Variants in HLCS observed in about 807,000 individuals in gnomAD.
HLCS encodes the protein holocarboxylase synthetase.
Under a neutral mutation model 75.0 loss-of-function variants are expected in HLCS, and 53 were observed. That is an observed-to-expected ratio of 0.71 (90% confidence interval 0.57 to 0.89). HLCS has a LOEUF of 0.89. HLCS is among the 40% of genes least tolerant of loss of function. The pLI is 0.00. For synonymous variants in HLCS, 431 were observed against 428.6 expected (o/e 1.01, Z -0.07); for missense variants, 966 against 1,074.0 (o/e 0.90, Z 1.41).
At chr21:36,896,208 G>C (rs1001186888) in intron 6 of HLCS, among the ~76,000 whole-genome samples, 4 of 152,146 alleles carry the variant, frequency 2.6e-5, no homozygotes, top group African/African-American at 7.2e-5. Context: ...AACTTAGCTG[G>C]GCATAGTGGC....
chr21:36,793,396 AGTT>A (rs796485981), intron 6 of HLCS, among the ~76,000 whole-genome samples: 17 of 146,612 alleles, frequency 1.2e-4, no homozygotes, highest in African/African-American at 3.3e-4. Context: ...CCTGGGCCCC[AGTT>A]CAAGCAATTC....
rs59341535 is a variant in HLCS at position 36,865,324 on chromosome 21, G to A, written c.1892+31536C>T. 7.1e-3 allele frequency among the ~76,000 whole-genome samples: 1,083 copies of A among 152,064 alleles called. 12 individuals are homozygous for A. Among genetic ancestry groups the A allele is most frequent in the African/African-American group, 0.025 (1,040 of 41,486 alleles). ...TGTAGACTCCTGGGTCTCCTACTCC[G>A]GTTAAACCTTGAAACAGAAGCTCTG... On this transcript the variant is annotated intron_variant, in intron 6 of 10. Transcript: ENST00000674895.
chr21:36,976,644 T>C (rs1016237412), intron 1 of HLCS, among the ~76,000 whole-genome samples: 5 of 152,162 alleles, frequency 3.3e-5, no homozygotes, highest in Non-Finnish European at 5.9e-5. Flanking sequence ...AAATCCATGG[T>C]TGTGTAAGAT....
chr21:36,975,603 T>C (rs55981408), intron 1 of HLCS, among the ~76,000 whole-genome samples: 32,251 of 151,928 alleles, frequency 0.21, 3,760 homozygotes, highest in East Asian at 0.34. Flanking sequence ...TGAGACCCCA[T>C]CTCTACAAAA....
At position 36,751,503 on chromosome 21, in the gene HLCS, T is replaced by C. The variant is rs1370406504; in HGVS notation, c.*2743A>G. ...CGACCATGCTGTATATGCTGTGCCT[T>C]GGGGGACCCCCAGAGGCTGCGCTCT... On this transcript the variant is annotated 3_prime_UTR_variant, in exon 11 of 11. Transcript: ENST00000674895. 2 of 152,318 alleles carry C rather than the reference T, an allele frequency of 1.3e-5. No homozygotes were observed. The highest frequency in any genetic ancestry group is 1.9e-4 in the East Asian group (1 of 5,200). 9.4% of individuals were successfully genotyped at this position (152,318 alleles called of 1,614,324 possible). A position where few individuals can be genotyped will look rare whatever the true frequency, so the allele number is the denominator to read the frequency against.
At chr21:36,844,369 A>C (rs1451886987) in intron 6 of HLCS, among the ~76,000 whole-genome samples, 2 of 152,168 alleles carry the variant, frequency 1.3e-5, no homozygotes, top group African/African-American at 4.8e-5. Context: ...GGCGAGACAG[A>C]AGGACAGGGA....
Position 36,936,927 on chromosome 21 carries a change from T to C in HLCS, c.959A>G (p.Gln320Arg). The C allele has an allele frequency of 6.2e-7, 1 of 1,614,172 alleles. No individual in the cohort carries two copies. Among genetic ancestry groups the C allele is most frequent in the Non-Finnish European group, 8.5e-7 (1 of 1,180,022 alleles). Residue 320 changes from glutamine (Q) to arginine (R), a missense_variant, in exon 4 of 11, where the codon CAG (glutamine) becomes CGG (arginine). Coordinates refer to ENST00000674895, the MANE Select transcript of HLCS (RefSeq NM_001352514.2). ...CTCGTGGAACCGGCCGAGGGCTTCCTGGGAGTCGGAGCCCACATAGAGGAG... is the reference window on the plus strand; with the variant it reads ...CTCGTGGAACCGGCCGAGGGCTTCCCGGGAGTCGGAGCCCACATAGAGGAG... ...NILLYVGSDSQEALGRFHEVR... is the reference protein window; with the variant it reads ...NILLYVGSDSREALGRFHEVR...
At chr21:36,981,377 T>TA (rs2069116726) in intron 1 of HLCS, among the ~76,000 whole-genome samples, 1 of 151,148 alleles carries the variant, frequency 6.6e-6, no homozygotes, top group African/African-American at 2.4e-5. Flanking sequence ...TCTATTAATC[T>TA]ATTAACTCTT....
At chr21:36,957,924 G>A (rs1437998778) in intron 2 of HLCS, among the ~76,000 whole-genome samples, 5 of 96,832 alleles carry the variant, frequency 5.2e-5, no homozygotes, top group Non-Finnish European at 1.0e-4. Flanking sequence ...GCAAGACTGC[G>A]TCTCGAAAAA....
At chr21:36,983,204 ATGTT>A (rs928909450) in intron 1 of HLCS, among the ~76,000 whole-genome samples, 1 of 150,964 alleles carries the variant, frequency 6.6e-6, no homozygotes, top group Non-Finnish European at 1.5e-5. Flanking sequence ...TTCTTTTTTA[ATGTT>A]TGTTTATTTA....
intron 6 of HLCS, among the ~76,000 whole-genome samples, chr21:36,892,341 G>C (rs186062852): frequency 5.3e-5 from 8 of 152,322 alleles, no homozygotes; most frequent in Non-Finnish European, 1.2e-4. Context: ...GGCAGAACGC[G>C]GGTTGCCAGA....
intron 6 of HLCS, among the ~76,000 whole-genome samples, chr21:36,771,841 T>C (rs2145796531): frequency 6.6e-6 from 1 of 151,986 alleles, no homozygotes; most frequent in South Asian, 2.1e-4. Context: ...CTATTAAAAA[T>C]ACAAAAAATT....
intron 7 of HLCS, among the ~76,000 whole-genome samples, chr21:36,766,537 T>C (rs1466438701): frequency 6.6e-6 from 1 of 152,204 alleles, no homozygotes; most frequent in Admixed American, 6.5e-5. Context: ...GATTTCTTAT[T>C]TCTTTGGTTC....
chr21:36,968,185 C>T (rs976186901), upstream of HLCS, among the ~76,000 whole-genome samples: 5 of 152,128 alleles, frequency 3.3e-5, no homozygotes, highest in East Asian at 1.9e-4. Context: ...GACAGGGTCT[C>T]GCTGTGTCGC....
chr21:36,818,441 G>A (rs980115287), intron 6 of HLCS, among the ~76,000 whole-genome samples: 16 of 152,242 alleles, frequency 1.1e-4, no homozygotes, highest in Non-Finnish European at 1.9e-4. Flanking sequence ...TAAAGAACCC[G>A]CTTTTGTCCC....
intron 6 of HLCS, among the ~76,000 whole-genome samples, chr21:36,875,965 T>C (rs912034980): frequency 2.0e-5 from 3 of 151,718 alleles, no homozygotes; most frequent in Admixed American, 1.3e-4. Flanking sequence ...TCCCCTTGTC[T>C]AGGTGCTGGT....
intron 6 of HLCS, among the ~76,000 whole-genome samples, chr21:36,788,887 A>T (rs1358772537): frequency 2.0e-5 from 3 of 152,176 alleles, no homozygotes; most frequent in African/African-American, 7.2e-5. Flanking sequence ...AGGGGCAGAA[A>T]GATTAGGAAT....
intron 8 of HLCS, among the ~76,000 whole-genome samples, chr21:36,760,718 A>AT (rs1022566136): frequency 2.0e-5 from 3 of 152,164 alleles, no homozygotes; most frequent in Admixed American, 6.5e-5. Context: ...TGGACTTGTC[A>AT]TGTGGCCTAT....
At chr21:36,851,405 T>C (rs927346471) in intron 6 of HLCS, among the ~76,000 whole-genome samples, 1 of 152,248 alleles carries the variant, frequency 6.6e-6, no homozygotes, top group Admixed American at 6.5e-5. Context: ...GAGGTCATTA[T>C]GCTCAGTGAA....
Sources: gnomAD v4.1 joint callset for allele counts (sites outside exome capture counted in the v4.1 genomes callset) on GRCh38, gnomAD v4.1.1 for gene constraint, MANE v1.5 for transcripts, NCBI Gene and HGNC (gene_info 2026-07-23, HGNC 2026-07-21) for gene names.